USP34: variants seen among roughly 807,000 people sequenced by gnomAD.
The protein encoded by USP34 is ubiquitin carboxyl-terminal hydrolase 34.
USP34 carries 70 observed loss-of-function variants against 460.3 expected under a neutral mutation model. The ratio of observed to expected loss-of-function variants is 0.15; its 90% CI spans 0.13 to 0.19. USP34 has a LOEUF of 0.19. Ranked by LOEUF, USP34 falls within the 10% of genes least tolerant of loss-of-function variation. The probability of loss-of-function intolerance (pLI) is 1.00; values close to 1 mark genes in which losing one functional copy is unlikely to be tolerated. For synonymous variants in USP34, 1,647 were observed against 1,405.3 expected (o/e 1.17, Z -3.85); for missense variants, 3,985 against 4,236.2 (o/e 0.94, Z 1.65).
intron 16 of USP34, among the ~76,000 whole-genome samples, chr2:61,341,213 T>C (rs566004896): frequency 3.2e-4 from 48 of 152,340 alleles, no homozygotes; most frequent in African/African-American, 1.1e-3. Context: ...ACTATGTGAA[T>C]TTATCAGTTA....
intron 37 of USP34, 24 bp from the exon 38 acceptor site, chr2:61,281,266 A>G: frequency 6.2e-7 from 1 of 1,603,366 alleles, no homozygotes; most frequent in Non-Finnish European, 8.5e-7. Flanking sequence ...AAAGTTCCAC[A>G]AACAGTGAGA....
At chr2:61,430,209 C>T (rs1401767578) in intron 1 of USP34, among the ~76,000 whole-genome samples, 2 of 134,524 alleles carry the variant, frequency 1.5e-5, no homozygotes, top group East Asian at 2.1e-4. Flanking sequence ...AGCGAGTCTT[C>T]GTCACAAAAA....
rs370209981 is a variant in USP34 at position 61,221,406 on chromosome 2, G to T, written c.7899+96C>A. ...TGTGACTTACTAAAACCATCTTGGG[G>T]TAATAAGAAACTGGTACTTAAAATG... On this transcript the variant is annotated intron_variant, in intron 66 of 79. Coordinates refer to ENST00000398571, the MANE Select transcript of USP34 (RefSeq NM_014709.4). 11 of 1,110,342 alleles carry T rather than the reference G, an allele frequency of 9.9e-6. No individual in the cohort carries two copies. In the African/African-American group the frequency reaches 1.8e-4, roughly 18 times the overall value. The allele number at this position is 1,110,342 out of a possible 1,614,324, so 68.8% of individuals were successfully genotyped here.
At chr2:61,188,848 C>A (rs139164389) in intron 79 of USP34, 62 bp downstream of exon 79, 3 of 1,594,732 alleles carry the variant, frequency 1.9e-6, no homozygotes, top group Admixed American at 3.5e-5. Context: ...AAACCAGTTA[C>A]ACCAAGTGTA....
chr2:61,200,059 G>A (rs1686925785), intron 75 of USP34: 1 of 152,246 alleles, frequency 6.6e-6, no homozygotes, highest in Admixed American at 6.6e-5. Flanking sequence ...CTGTGTGTGT[G>A]CGCATGCAGA....
Position 61,248,645 on chromosome 2 carries a change from T to C in USP34, c.6260A>G (p.Asn2087Ser). ...CATATTAAATGTGTATCTCATAGTA[T>C]TGAAACTCAAAATGCGAGGCAATTT... ...FKKLPRILSF[N>S]TMRYTFNMVT... is the part of the protein sequence containing the mutation. Residue 2087 changes from asparagine to serine, a missense_variant, in exon 49 of 80, where the codon AAT becomes AGT. Physicochemically the swap from Asn to Ser is conservative, Grantham distance 46 (BLOSUM62 1). Coordinates refer to ENST00000398571, the MANE Select transcript of USP34 (RefSeq NM_014709.4). 1.9e-6 allele frequency: 3 copies of C among 1,581,870 alleles called. No homozygotes were observed. The highest frequency in any genetic ancestry group is 2.6e-6 in the Non-Finnish European group (3 of 1,160,352).
At chr2:61,328,444 A>G (rs1395606891) in intron 20 of USP34, among the ~76,000 whole-genome samples, 1 of 152,172 alleles carries the variant, frequency 6.6e-6, no homozygotes, top group Non-Finnish European at 1.5e-5. Flanking sequence ...TCCTATTTTA[A>G]TCTCCACTGG....
chr2:61,376,972 T>C (rs1489752968), intron 8 of USP34, among the ~76,000 whole-genome samples: 2 of 152,208 alleles, frequency 1.3e-5, no homozygotes, highest in Non-Finnish European at 2.9e-5. Flanking sequence ...ATACACTGGA[T>C]ATCGTCTACA....
Position 61,281,171 on chromosome 2 carries a change from T to C in USP34, c.5070A>G (p.Ser1690=). 6.2e-7 allele frequency: 1 copy of C among 1,614,068 alleles called. No individual in the cohort carries two copies. Among genetic ancestry groups the C allele is most frequent in the Non-Finnish European group, 8.5e-7 (1 of 1,179,968 alleles). ...LSLSGLDGGD[S]INRSFLLLAA... ...CCAATAGCAGAAAAGAACGATTGAT[T>C]GAGTCTCCTCCATCCAGCCCTGACA... The change falls in exon 38 of 80, where the codon TCA becomes TCG. Residue 1690 remains serine (S), a synonymous_variant. Coordinates refer to ENST00000398571, the MANE Select transcript of USP34 (RefSeq NM_014709.4).
At chr2:61,455,870 T>A (rs1163758414) in intron 1 of USP34, among the ~76,000 whole-genome samples, 1 of 152,114 alleles carries the variant, frequency 6.6e-6, no homozygotes. Flanking sequence ...CATCTCCAAA[T>A]AAGAAACAAG....
intron 74 of USP34, among the ~76,000 whole-genome samples, chr2:61,203,698 G>A (rs1687036449): frequency 6.6e-6 from 1 of 151,814 alleles, no homozygotes; most frequent in African/African-American, 2.4e-5. Flanking sequence ...ATGAAGTGTG[G>A]GTAAAGAAAG....
intron 1 of USP34, among the ~76,000 whole-genome samples, chr2:61,421,774 A>AAC (rs34490089): frequency 0.014 from 2,026 of 149,260 alleles, 13 homozygotes; most frequent in Middle Eastern, 0.052. Flanking sequence ...TTACATTTAA[A>AAC]ACACACACAC....
At chr2:61,381,294 C>T (rs1692967572) in intron 6 of USP34, among the ~76,000 whole-genome samples, 1 of 150,884 alleles carries the variant, frequency 6.6e-6, no homozygotes, top group South Asian at 2.1e-4. Context: ...ACAAAACTAC[C>T]TAGCTAACCA....
At chr2:61,206,563 G>T (rs1687126120) in intron 71 of USP34, among the ~76,000 whole-genome samples, 197 bp downstream of exon 71, 1 of 152,136 alleles carries the variant, frequency 6.6e-6, no homozygotes, top group African/African-American at 2.4e-5. Context: ...TTTCAGGCAG[G>T]TACAAAAACA....
intron 49 of USP34, among the ~76,000 whole-genome samples, chr2:61,247,791 T>C (rs1232825676): frequency 1.3e-5 from 2 of 152,226 alleles, no homozygotes; most frequent in Admixed American, 6.5e-5. Context: ...GTCCATGTCC[T>C]ACAACTTATT....
chr2:61,244,373 C>T (rs1033337558), intron 51 of USP34, among the ~76,000 whole-genome samples: 15 of 152,150 alleles, frequency 9.9e-5, no homozygotes, highest in African/African-American at 3.1e-4. Context: ...CCCAGCACTT[C>T]GGAGGCTGCA....
intron 10 of USP34, among the ~76,000 whole-genome samples, chr2:61,365,475 A>G (rs1022869928): frequency 2.0e-5 from 3 of 152,098 alleles, no homozygotes; most frequent in Non-Finnish European, 4.4e-5. Context: ...GAGAACATTC[A>G]CTCAAACTCT....
chr2:61,397,705 C>T (rs6708277), intron 3 of USP34, among the ~76,000 whole-genome samples: 77,311 of 151,710 alleles, frequency 0.51, 19,990 homozygotes, highest in South Asian at 0.7. Flanking sequence ...TCAAGACCAT[C>T]CTGGACAACA....
At chr2:61,301,846 C>G (rs1245609924) in intron 27 of USP34, among the ~76,000 whole-genome samples, 3 of 152,140 alleles carry the variant, frequency 2.0e-5, no homozygotes, top group Non-Finnish European at 4.4e-5. Context: ...AATCTAAAAG[C>G]TTCACTTCAC....
Sources: gnomAD v4.1 joint callset for allele counts (sites outside exome capture counted in the v4.1 genomes callset) on GRCh38, gnomAD v4.1.1 for gene constraint, MANE v1.5 for transcripts, NCBI Gene and HGNC (gene_info 2026-07-23, HGNC 2026-07-21) for gene names.